The following MYCBP2 variants were observed in gnomAD, a reference collection of about 807,000 sequenced individuals.
The protein encoded by MYCBP2 is E3 ubiquitin-protein ligase MYCBP2.
Under a neutral mutation model 525.3 loss-of-function variants are expected in MYCBP2, and 120 were observed. The observed-to-expected ratio is 0.23, with a 90% CI of 0.20 to 0.27. The LOEUF is 0.27. Ranked by LOEUF, MYCBP2 falls within the 10% of genes least tolerant of loss-of-function variation. MYCBP2 has a pLI of 1.00. For missense variants in MYCBP2, 4,149 were observed against 5,657.1 expected, an observed-to-expected ratio of 0.73 and a Z score of 8.55; for synonymous variants, 1,894 against 1,955.8, an observed-to-expected ratio of 0.97 and a Z score of 0.83.
rs2056339128 is a variant in MYCBP2, at chr13:77,150,715, G to C, written c.7131+19C>G. On this transcript the variant is annotated intron_variant, in intron 47 of 82. Transcript: ENST00000544440. ...AAATGCTGAAAACTAAAATTTTTCT[G>C]ATAAGTAAAATAAATTACCTTCATC... 1 of 1,597,442 alleles carries C rather than the reference G, an allele frequency of 6.3e-7. No individual in the cohort carries two copies. The highest frequency in any genetic ancestry group is 1.7e-5 in the Admixed American group (1 of 57,998).
chr13:77,141,374 C>T lies in MYCBP2; in HGVS notation c.7304-431G>A, dbSNP rs969854650. Among the ~76,000 whole-genome samples, 3 of 152,142 alleles carry T rather than the reference C, an allele frequency of 2.0e-5. No homozygotes were observed. The South Asian group carries it at 6.2e-4, about 31-fold the overall frequency. Reference sequence around the variant, plus strand: ...GACTGCTTTGGTTACTCCAATATCTCGCACTAACTGTTTGACTCTCTGTGC... The same window carrying T: ...GACTGCTTTGGTTACTCCAATATCTTGCACTAACTGTTTGACTCTCTGTGC... On this transcript the variant is annotated intron_variant, in intron 49 of 82. Coordinates refer to ENST00000544440, the MANE Select transcript of MYCBP2 (RefSeq NM_015057.5).
chr13:77,057,138 T>A lies in MYCBP2; in HGVS notation c.13330-45A>T, dbSNP rs2038252109. 5.2e-6 allele frequency: 7 copies of A among 1,347,284 alleles called. No individual in the cohort carries two copies. The East Asian group carries it at 1.6e-4, about 31-fold the overall frequency. 83.5% of individuals were successfully genotyped at this position (1,347,284 alleles called of 1,614,324 possible). On this transcript the variant is annotated intron_variant, in intron 78 of 82. Coordinates refer to ENST00000544440, the MANE Select transcript of MYCBP2 (RefSeq NM_015057.5). ...AGGACATAAGCAAATATAATAATGA[T>A]AAACAGTTGAGTGACTGGGAGATTA...
rs1182644190 is a variant in MYCBP2, at chr13:77,239,471, G to A, written c.2629+3588C>T. On this transcript the variant is annotated intron_variant, in intron 17 of 82. Coordinates refer to ENST00000544440, the MANE Select transcript of MYCBP2 (RefSeq NM_015057.5). ...AAGAGCCTTAGAACACTGTGCAAGTGACTCAGATCTATTTCCAAGACCCTT... is the reference window on the plus strand; with the variant it reads ...AAGAGCCTTAGAACACTGTGCAAGTAACTCAGATCTATTTCCAAGACCCTT... Among the ~76,000 whole-genome samples the A allele has an allele frequency of 1.1e-4, 17 of 152,260 alleles. No individual in the cohort carries two copies. In the South Asian group the frequency reaches 3.3e-3, roughly 30 times the overall value.
chr13:77,045,524 T>A, intron 82 of MYCBP2, 31 bp from the exon 83 acceptor site: 1 of 1,439,466 alleles, frequency 6.9e-7, no homozygotes, highest in Non-Finnish European at 9.8e-7. Flanking sequence ...CAAAGGAAAA[T>A]AATGTTTTAA....
At chr13:77,243,324 T>G (rs935540379) in intron 16 of MYCBP2, among the ~76,000 whole-genome samples, 164 bp from the exon 17 acceptor site, 4 of 152,174 alleles carry the variant, frequency 2.6e-5, no homozygotes, top group African/African-American at 9.7e-5. Flanking sequence ...AAAAAGAATC[T>G]CATTCTGGCT....
rs867808624 is a variant in MYCBP2 at position 77,096,535 on chromosome 13, T to C, written c.9785-54A>G. 1.5e-5 allele frequency: 24 copies of C among 1,573,758 alleles called. No individual in the cohort carries two copies. The Middle Eastern group carries it at 8.4e-4, about 55-fold the overall frequency. ...AACACTCCAAGTGTCCTTAATAGTT[T>C]GATCCTTATTACTCATACATTAATG... On this transcript the variant is annotated intron_variant, in intron 56 of 82. Coordinates refer to ENST00000544440, the MANE Select transcript of MYCBP2 (RefSeq NM_015057.5).
At chr13:77,146,678 A>G (rs1191388977) in intron 47 of MYCBP2, among the ~76,000 whole-genome samples, 1 of 152,202 alleles carries the variant, frequency 6.6e-6, no homozygotes, top group Admixed American at 6.5e-5. Flanking sequence ...TAAAGACTAG[A>G]AAAGTTATTT....
At position 77,217,846 on chromosome 13, in the gene MYCBP2, A is replaced by G; in HGVS notation, c.3051T>C (p.Ser1017=). The change falls in exon 21 of 83, where the codon AGT becomes AGC. Residue 1017 remains serine (S), a synonymous_variant. Coordinates refer to ENST00000544440, the MANE Select transcript of MYCBP2 (RefSeq NM_015057.5). ...TGTTTTAAAAATTCCTTACAGAAAA[A>G]CTTCCAAATGTGAAGACCTGTCCAT... ...LMDGQVFTFG[S]FSKGQLGRPI... is the part of the protein sequence containing the mutation. 3.8e-6 allele frequency: 6 copies of G among 1,596,174 alleles called. No homozygotes were observed. The highest frequency in any genetic ancestry group is 5.1e-6 in the Non-Finnish European group (6 of 1,171,942).
rs1204063061 is a variant in MYCBP2, at chr13:77,166,970, CACACAT to C, written c.6115-422_6115-417del. On this transcript the variant is annotated intron_variant, in intron 40 of 82. Coordinates refer to ENST00000544440, the MANE Select transcript of MYCBP2 (RefSeq NM_015057.5). ...TGGGATATACTTCAAAGACAAAACA[CACACAT>C]ACACACACACACACACACACACACA... Among the ~76,000 whole-genome samples, 251 of 62,150 alleles carry C rather than the reference CACACAT, an allele frequency of 4.0e-3. 1 individual carries two copies. Among genetic ancestry groups the C allele is most frequent in the Non-Finnish European group, 6.5e-3 (169 of 25,992 alleles). 40.8% of individuals were successfully genotyped at this position (62,150 alleles called of 152,430 possible). A position where few individuals can be genotyped will look rare whatever the true frequency, so the allele number is the denominator to read the frequency against.
chr13:77,307,266 T>G (rs995981593), intron 1 of MYCBP2, among the ~76,000 whole-genome samples: 4 of 152,176 alleles, frequency 2.6e-5, no homozygotes, highest in Non-Finnish European at 5.9e-5. Context: ...CCTTGAGATT[T>G]TGCTCAACCA....
intron 52 of MYCBP2, among the ~76,000 whole-genome samples, chr13:77,136,969 T>C (rs1001058192): frequency 1.3e-5 from 2 of 152,166 alleles, no homozygotes; most frequent in African/African-American, 4.8e-5. Flanking sequence ...TATAAAACTC[T>C]CAAGTCACTA....
chr13:77,265,395 G>GC (rs1445736859), intron 8 of MYCBP2, among the ~76,000 whole-genome samples: 1 of 152,032 alleles, frequency 6.6e-6, no homozygotes, highest in African/African-American at 2.4e-5. Context: ...GTAGCAAAAA[G>GC]CCTCATGAAC....
At chr13:77,291,099 C>T (rs768864082) in intron 2 of MYCBP2, among the ~76,000 whole-genome samples, 1 of 152,060 alleles carries the variant, frequency 6.6e-6, no homozygotes, top group Non-Finnish European at 1.5e-5. Flanking sequence ...CCCCCAAAAG[C>T]AAGCCACAGA....
Position 77,168,527 on chromosome 13 carries a change from G to A in MYCBP2, c.6015C>T (p.Asn2005=), listed in dbSNP as rs756718080. The A allele has an allele frequency of 3.7e-6, 6 of 1,613,994 alleles. No homozygotes were observed. The highest frequency in any genetic ancestry group is 3.4e-6 in the Non-Finnish European group (4 of 1,180,042). The change falls in exon 40 of 83, where the codon AAC becomes AAT. Residue 2005 remains asparagine (N), a synonymous_variant. Transcript: ENST00000544440. The stretch of plus-strand genomic sequence containing the variant: ...AAGCAGAGAGGCCCTGTTCAGGCTG[G>A]TTTCCTGTGGTGCTATCTGTCGACT... The part of the protein sequence containing the change: ...PNQSTDSTTG[N]QPEQGLSACT...
intron 20 of MYCBP2, among the ~76,000 whole-genome samples, chr13:77,221,466 C>T (rs2065554571): frequency 6.6e-6 from 1 of 152,156 alleles, no homozygotes; most frequent in African/African-American, 2.4e-5. Context: ...GCTGCTCATT[C>T]TTCTGAGTGC....
At chr13:77,143,494 T>C (rs899597387) in intron 49 of MYCBP2, among the ~76,000 whole-genome samples, 4 of 152,310 alleles carry the variant, frequency 2.6e-5, no homozygotes, top group African/African-American at 4.8e-5. Context: ...TCTCAGACCT[T>C]TGGCCTCAGA....
chr13:77,262,124 C>T lies in MYCBP2; in HGVS notation c.1576G>A (p.Gly526Arg), dbSNP rs768929057. The part of the protein sequence containing the change: ...LEKDLHIIST[G>R]FDEESAILGA... ...AGAATTGCTGACTCCTCATCAAATC[C>T]TGTACCTGAAATACGAGACTAATAA... The change falls in exon 11 of 83, where the codon GGA (glycine) becomes AGA (arginine). Residue 526 changes from glycine to arginine, a missense_variant. Coordinates refer to ENST00000544440, the MANE Select transcript of MYCBP2 (RefSeq NM_015057.5). 7.5e-6 allele frequency: 12 copies of T among 1,607,374 alleles called. No individual in the cohort carries two copies. The South Asian group carries it at 1.3e-4, about 18-fold the overall frequency.
chr13:77,084,178 A>T (rs1187856601), intron 62 of MYCBP2, among the ~76,000 whole-genome samples: 1 of 152,170 alleles, frequency 6.6e-6, no homozygotes, highest in African/African-American at 2.4e-5. Flanking sequence ...TGCATATATG[A>T]TAAGGAGAAC....
At chr13:77,235,478 T>C (rs1012558228) in intron 17 of MYCBP2, among the ~76,000 whole-genome samples, 13 of 152,156 alleles carry the variant, frequency 8.5e-5, no homozygotes, top group African/African-American at 1.9e-4. Flanking sequence ...GTATATGTGA[T>C]GGAGCAAAAG....
Sources: allele counts gnomAD v4.1 joint callset (sites outside exome capture counted in the v4.1 genomes callset), GRCh38; gene constraint gnomAD v4.1.1; transcripts MANE v1.5; gene names NCBI Gene and HGNC (gene_info 2026-07-23, HGNC 2026-07-21).